ZNF267: variants seen among roughly 807,000 people sequenced by gnomAD.
The protein encoded by ZNF267 is zinc finger protein 267.
Under a neutral mutation model 71.6 loss-of-function variants are expected in ZNF267, and 61 were observed. That is an observed-to-expected ratio of 0.85 (90% confidence interval 0.69 to 1.05). The LOEUF (loss-of-function observed/expected upper bound fraction) is 1.05. Ranked by LOEUF, ZNF267 falls within the 50% of genes least tolerant of loss-of-function variation. The pLI, the probability that ZNF267 is intolerant of heterozygous loss-of-function variation, is 0.00. For missense variants in ZNF267, 852 were observed against 870.0 expected, an observed-to-expected ratio of 0.98 and a Z score of 0.26; for synonymous variants, 288 against 293.2, an observed-to-expected ratio of 0.98 and a Z score of 0.18.
intron 3 of ZNF267, chr16:31,913,491 C>T (rs2084149935): frequency 6.6e-6 from 1 of 152,302 alleles, no homozygotes; most frequent in Admixed American, 6.5e-5. Context: ...CCTTAGGCCT[C>T]TACAATCAGC....
chr16:31,916,214 T>G lies in ZNF267; in HGVS notation c.1965T>G (p.Thr655=), dbSNP rs754588888. The change falls in exon 4 of 4, where the codon ACT becomes ACG. Residue 655 remains threonine (T), a synonymous_variant. Transcript: ENST00000300870. ...SYLTTHQRSH[T]GERPYKCEEC... ...TCACTACACATCAGAGAAGTCATAC[T>G]GGAGAGAGACCCTACAAATGTGAAG... 6.2e-7 allele frequency: 1 copy of G among 1,614,156 alleles called. No individual in the cohort carries two copies. The highest frequency in any genetic ancestry group is 1.1e-5 in the South Asian group (1 of 91,084).
At chr16:31,902,403 A>G (rs1029679295) in intron 3 of ZNF267, among the ~76,000 whole-genome samples, 6 of 152,070 alleles carry the variant, frequency 3.9e-5, no homozygotes, top group Admixed American at 3.9e-4. Context: ...CATTTTCACA[A>G]TATTGATTCT....
Position 31,873,828 on chromosome 16 carries a change from G to A in ZNF267, c.-139G>A. 8.1e-7 allele frequency: 1 copy of A among 1,236,438 alleles called. No homozygotes were observed. Among genetic ancestry groups the A allele is most frequent in the Non-Finnish European group, 1.2e-6 (1 of 851,866 alleles). The allele number at this position is 1,236,438 out of a possible 1,614,324, so 76.6% of individuals were successfully genotyped here. A position where few individuals can be genotyped will look rare whatever the true frequency, so the allele number is the denominator to read the frequency against. On this transcript the variant is annotated 5_prime_UTR_variant, in exon 1 of 4. Transcript: ENST00000300870. ...CTCCAGTTAGAGCTCGGGTCTCCTC[G>A]CCACAGCTCCGAGTCTTTCGTTCTG...
At chr16:31,906,828 C>A (rs2084094775) in intron 3 of ZNF267, among the ~76,000 whole-genome samples, 1 of 151,986 alleles carries the variant, frequency 6.6e-6, no homozygotes, top group South Asian at 2.1e-4. Flanking sequence ...GAACCCAGTG[C>A]CTCAGTTGGA....
intron 3 of ZNF267, among the ~76,000 whole-genome samples, chr16:31,901,294 A>G (rs2084039191): frequency 1.3e-5 from 2 of 152,266 alleles, no homozygotes; most frequent in African/African-American, 4.8e-5. Flanking sequence ...AGCATGATTT[A>G]TAATCCTTTG....
chr16:31,904,884 T>C (rs1476687098), intron 3 of ZNF267, among the ~76,000 whole-genome samples: 1 of 152,252 alleles, frequency 6.6e-6, no homozygotes, highest in Non-Finnish European at 1.5e-5. Context: ...CTAGCCTTGA[T>C]GGTCTTTACA....
chr16:31,914,256 G>C (rs2084155711), intron 3 of ZNF267: 2 of 477,146 alleles, frequency 4.2e-6, no homozygotes, highest in Non-Finnish European at 7.3e-6. Flanking sequence ...CAAGGGCAAG[G>C]TGGCACAAGC....
At chr16:31,903,187 A>G (rs1009760530) in intron 3 of ZNF267, among the ~76,000 whole-genome samples, 9 of 152,118 alleles carry the variant, frequency 5.9e-5, no homozygotes, top group African/African-American at 2.2e-4. Flanking sequence ...GATTCGGTTT[A>G]CCAGTATTTT....
intron 3 of ZNF267, among the ~76,000 whole-genome samples, chr16:31,893,391 G>C (rs528530174): frequency 6.6e-6 from 1 of 152,362 alleles, no homozygotes; most frequent in African/African-American, 2.4e-5. Context: ...ACATGCCCTG[G>C]AGACATTTTC....
intron 3 of ZNF267, among the ~76,000 whole-genome samples, chr16:31,910,704 ATTTT>A (rs537515716): frequency 6.7e-6 from 1 of 149,758 alleles, no homozygotes; most frequent in African/African-American, 2.5e-5. Context: ...CATTTCATTG[ATTTT>A]TTTTGTATTT....
chr16:31,890,206 G>C (rs1165321778), intron 3 of ZNF267: 1 of 151,992 alleles, frequency 6.6e-6, no homozygotes, highest in African/African-American at 2.4e-5. Flanking sequence ...GTTGTAAATA[G>C]GACATTGAAG....
rs1057428611 is a variant in ZNF267, at chr16:31,885,154, A to G, written c.131-7A>G. The G allele has an allele frequency of 1.3e-6, 2 of 1,584,670 alleles. No homozygotes were observed. The highest frequency in any genetic ancestry group is 1.7e-6 in the Non-Finnish European group (2 of 1,170,120). On this transcript the variant is annotated splice_polypyrimidine_tract_variant and splice_region_variant and intron_variant, in intron 2 of 3. Transcript: ENST00000300870. ...TAAGAGTCATGTGAATTTTTCCAAT[A>G]AAACAGGTCTTGTTGTCTCTAAGCC... is the stretch of plus-strand genomic sequence containing the variant.
In ZNF267 at chr16:31,885,275, A is replaced by C; in HGVS notation, c.226+19A>C. 1.9e-6 allele frequency: 3 copies of C among 1,599,036 alleles called. No homozygotes were observed. The highest frequency in any genetic ancestry group is 2.6e-6 in the Non-Finnish European group (3 of 1,172,226). ...CAGCCAGGTAGGTGGGAGCGAATGAAGTAGATGACATGGGCGAGAGGTCCA... is the reference window on the plus strand; with the variant it reads ...CAGCCAGGTAGGTGGGAGCGAATGACGTAGATGACATGGGCGAGAGGTCCA... On this transcript the variant is annotated intron_variant, in intron 3 of 3. Coordinates refer to ENST00000300870, the MANE Select transcript of ZNF267 (RefSeq NM_003414.6).
intron 3 of ZNF267, among the ~76,000 whole-genome samples, chr16:31,890,765 T>C (rs973610556): frequency 3.3e-5 from 5 of 152,226 alleles, no homozygotes; most frequent in Non-Finnish European, 4.4e-5. Context: ...GACTCACTTT[T>C]GTGATAACTA....
intron 3 of ZNF267, among the ~76,000 whole-genome samples, chr16:31,906,244 A>C (rs1245326410): frequency 6.6e-6 from 1 of 152,230 alleles, no homozygotes; most frequent in East Asian, 1.9e-4. Flanking sequence ...TTGAGGAGGC[A>C]GTCTGCCCAT....
chr16:31,910,040 C>T (rs998329017), intron 3 of ZNF267, among the ~76,000 whole-genome samples: 2 of 152,134 alleles, frequency 1.3e-5, no homozygotes, highest in African/African-American at 4.8e-5. Context: ...TTTTGTCCTT[C>T]ATTCTGTTGA....
chr16:31,902,738 A>G (rs1319701228), intron 3 of ZNF267, among the ~76,000 whole-genome samples: 1 of 152,190 alleles, frequency 6.6e-6, no homozygotes, highest in African/African-American at 2.4e-5. Flanking sequence ...TCATCTGCAA[A>G]CAGGGATAAC....
At position 31,917,183 on chromosome 16, in the gene ZNF267, C is replaced by T. The variant is rs1263317214; in HGVS notation, c.*702C>T. 6.6e-6 allele frequency: 1 copy of T among 151,898 alleles called. No homozygotes were observed. Among genetic ancestry groups the T allele is most frequent in the Admixed American group, 6.6e-5 (1 of 15,244 alleles). The allele number at this position is 151,898 out of a possible 1,614,324, so 9.4% of individuals were successfully genotyped here. The stretch of plus-strand genomic sequence containing the variant: ...TTTCTGCATCAGAACAATGTGAGGT[C>T]ATTCTACGTTAATATCATTAATATC... On this transcript the variant is annotated 3_prime_UTR_variant, in exon 4 of 4. Coordinates refer to ENST00000300870, the MANE Select transcript of ZNF267 (RefSeq NM_003414.6).
intron 3 of ZNF267, among the ~76,000 whole-genome samples, chr16:31,907,378 G>T (rs2084099885): frequency 6.6e-6 from 1 of 151,794 alleles, no homozygotes; most frequent in Admixed American, 6.6e-5. Context: ...TTTTAATCCT[G>T]TTTGCCTTCC....
Sources: allele counts gnomAD v4.1 joint callset (sites outside exome capture counted in the v4.1 genomes callset), GRCh38; gene constraint gnomAD v4.1.1; transcripts MANE v1.5; gene names NCBI Gene and HGNC (gene_info 2026-07-23, HGNC 2026-07-21).